PTPRC: variants seen among roughly 807,000 people sequenced by gnomAD.
PTPRC encodes the protein protein tyrosine phosphatase receptor type C.
In PTPRC, 44 loss-of-function variants were observed where a neutral mutation model predicts 155.9. That is an observed-to-expected ratio of 0.28 (90% confidence interval 0.22 to 0.36). PTPRC has a LOEUF of 0.36. PTPRC is among the 10% of genes least tolerant of loss of function. The probability of loss-of-function intolerance (pLI) is 1.00; values close to 1 mark genes in which losing one functional copy is unlikely to be tolerated. For synonymous variants in PTPRC, 525 were observed against 533.1 expected (o/e 0.98, Z 0.21); for missense variants, 1,401 against 1,564.6 (o/e 0.90, Z 1.76).
At chr1:198,699,734 A>G in intron 5 of PTPRC, 30 bp downstream of exon 5, 1 of 1,613,698 alleles carries the variant, frequency 6.2e-7, no homozygotes, top group Non-Finnish European at 8.5e-7. Context: ...TTGTGCAAAT[A>G]TGAAAAGTAC....
At chr1:198,671,495 C>T (rs187378723) in intron 2 of PTPRC, among the ~76,000 whole-genome samples, 1 of 152,270 alleles carries the variant, frequency 6.6e-6, no homozygotes, top group East Asian at 1.9e-4. Context: ...AACTTTGTCT[C>T]CTCTACTGTG....
Position 198,754,287 on chromosome 1 carries a change from G to A in PTPRC, c.3528G>A (p.Thr1176=), listed in dbSNP as rs1291014445. Residue 1176 remains threonine (T), a synonymous_variant, in exon 32 of 33, where the codon ACG becomes ACA. Transcript: ENST00000442510. ...LIHCRDGSQQ[T]GIFCALLNLL... ...TTTATAGGGATGGATCTCAGCAAAC[G>A]GGAATATTTTGTGCTTTGTTAAATC... 1.1e-5 allele frequency: 17 copies of A among 1,610,662 alleles called. No homozygotes were observed. The highest frequency in any genetic ancestry group is 1.4e-5 in the Non-Finnish European group (17 of 1,177,452).
chr1:198,745,100 A>AT (rs1474703126), intron 26 of PTPRC, among the ~76,000 whole-genome samples: 4 of 151,898 alleles, frequency 2.6e-5, no homozygotes, highest in African/African-American at 9.7e-5. Context: ...ACTAATCCAC[A>AT]TAAACACATA....
intron 2 of PTPRC, among the ~76,000 whole-genome samples, chr1:198,685,518 A>G (rs1445240650): frequency 1.3e-5 from 2 of 152,094 alleles, no homozygotes; most frequent in Non-Finnish European, 2.9e-5. Flanking sequence ...CTCTGAAATC[A>G]TAATACCTGG....
rs571504642 is a variant in PTPRC, at chr1:198,715,926, A to AT, written c.1292-749dup. On this transcript the variant is annotated intron_variant, in intron 12 of 32. Transcript: ENST00000442510. ...TACTCAAAAATAGCAGCAGCTGGTG[A>AT]TTTTTTTACTTAACAAGTGCTAAGT... 3.0e-3 allele frequency among the ~76,000 whole-genome samples: 463 copies of AT among 152,162 alleles called. 1 individual carries two copies. The highest frequency in any genetic ancestry group is 0.017 in the Middle Eastern group (5 of 294).
intron 2 of PTPRC, chr1:198,679,441 C>T (rs137857707): frequency 0.035 from 4,902 of 138,584 alleles, 95 homozygotes; most frequent in Non-Finnish European, 0.054. Flanking sequence ...TTAGTAGAGA[C>T]GGGGTTTTAC....
chr1:198,706,629 G>T, intron 8 of PTPRC, 105 bp from the exon 9 acceptor site: 4 of 1,283,286 alleles, frequency 3.1e-6, no homozygotes, highest in Admixed American at 4.5e-5. Flanking sequence ...TCTTTTTCAT[G>T]TTTTTTGGGG....
chr1:198,733,804 CA>C (rs1269471489), intron 20 of PTPRC, among the ~76,000 whole-genome samples: 1 of 151,574 alleles, frequency 6.6e-6, no homozygotes, highest in East Asian at 1.9e-4. Context: ...GTAAAAATCC[CA>C]AAAGTAACTA....
intron 29 of PTPRC, 43 bp from the exon 30 acceptor site, chr1:198,752,206 T>C: frequency 6.3e-7 from 1 of 1,591,974 alleles, no homozygotes; most frequent in Non-Finnish European, 8.6e-7. Context: ...CTTTGCATAT[T>C]TCAAATAGGA....
At chr1:198,717,207 G>T (rs994832769) in intron 13 of PTPRC, among the ~76,000 whole-genome samples, 1 of 152,156 alleles carries the variant, frequency 6.6e-6, no homozygotes, top group Admixed American at 6.5e-5. Context: ...GTCTCATAAA[G>T]CATTAGCCTA....
chr1:198,729,217 T>G, intron 17 of PTPRC, 46 bp downstream of exon 17: 1 of 1,555,050 alleles, frequency 6.4e-7, no homozygotes, highest in Non-Finnish European at 8.7e-7. Flanking sequence ...CCCCTGCATT[T>G]GAATCCATTC....
intron 2 of PTPRC, among the ~76,000 whole-genome samples, chr1:198,641,469 G>A (rs1662578084): frequency 6.6e-6 from 1 of 152,036 alleles, no homozygotes; most frequent in Non-Finnish European, 1.5e-5. Flanking sequence ...AGCCATCAAT[G>A]GTAACTCTAT....
In PTPRC at chr1:198,755,901, A is replaced by C; in HGVS notation, c.3646-5A>C. ...ATGTAATTTCCCACTTAATTCCTTT[A>C]CTAGGAGCAATATCAATTCCTATAT... On this transcript the variant is annotated splice_region_variant and splice_polypyrimidine_tract_variant and intron_variant, in intron 32 of 32. Coordinates refer to ENST00000442510, the MANE Select transcript of PTPRC (RefSeq NM_002838.5). 1 of 1,606,822 alleles carries C rather than the reference A, an allele frequency of 6.2e-7. No individual in the cohort carries two copies.
intron 30 of PTPRC, 108 bp from the exon 31 acceptor site, chr1:198,752,486 A>T: frequency 6.6e-7 from 1 of 1,520,960 alleles, no homozygotes. Context: ...TCAGAATAAC[A>T]TTTTAAAATT....
intron 5 of PTPRC, 146 bp from the exon 6 acceptor site, chr1:198,702,241 A>G: frequency 2.0e-6 from 2 of 1,019,846 alleles, no homozygotes; most frequent in East Asian, 2.4e-5. Context: ...ACAGTTCTGT[A>G]GAATGCATGT....
intron 23 of PTPRC, among the ~76,000 whole-genome samples, chr1:198,736,520 A>G (rs1654645494): frequency 6.6e-6 from 1 of 151,636 alleles, no homozygotes; most frequent in Non-Finnish European, 1.5e-5. Flanking sequence ...ACTAGATCTT[A>G]CCCCTTTTTA....
chr1:198,664,938 T>C (rs1191665657), intron 2 of PTPRC, among the ~76,000 whole-genome samples: 1 of 152,160 alleles, frequency 6.6e-6, no homozygotes, highest in Non-Finnish European at 1.5e-5. Flanking sequence ...ACAAATATGC[T>C]ATATTTTTTC....
At chr1:198,732,220 T>G in intron 18 of PTPRC, 80 bp from the exon 19 acceptor site, 1 of 1,090,734 alleles carries the variant, frequency 9.2e-7, no homozygotes, top group Non-Finnish European at 1.4e-6. Flanking sequence ...GATATCTCAT[T>G]TACTCAAAAC....
intron 31 of PTPRC, among the ~76,000 whole-genome samples, chr1:198,753,267 A>G (rs1410686403): frequency 6.6e-6 from 1 of 152,068 alleles, no homozygotes; most frequent in African/African-American, 2.4e-5. Context: ...CTCATTATTT[A>G]ATTTTCTAAA....
Sources: allele counts gnomAD v4.1 joint callset (sites outside exome capture counted in the v4.1 genomes callset), GRCh38; gene constraint gnomAD v4.1.1; transcripts MANE v1.5; gene names NCBI Gene and HGNC (gene_info 2026-07-23, HGNC 2026-07-21).